CTNND2: variants seen among roughly 807,000 people sequenced by gnomAD.
CTNND2 encodes the protein catenin delta-2.
A neutral mutation model predicts 144.4 loss-of-function variants in CTNND2; 22 were observed. That is an observed-to-expected ratio of 0.15 (90% CI 0.11 to 0.22). The LOEUF is 0.22. CTNND2 is among the 10% of genes least tolerant of loss of function. The probability of loss-of-function intolerance (pLI) is 1.00; values close to 1 mark genes in which losing one functional copy is unlikely to be tolerated. For synonymous variants in CTNND2, 751 were observed against 695.6 expected, an observed-to-expected ratio of 1.08 and a Z score of -1.25; for missense variants, 1,353 against 1,618.8, an observed-to-expected ratio of 0.84 and a Z score of 2.82.
At chr5:11,625,753 G>A (rs1262900393) in intron 2 of CTNND2, among the ~76,000 whole-genome samples, 2 of 151,978 alleles carry the variant, frequency 1.3e-5, no homozygotes, top group African/African-American at 4.8e-5. Flanking sequence ...GAACTTTCAT[G>A]ACTCAACACT....
intron 8 of CTNND2, among the ~76,000 whole-genome samples, chr5:11,359,747 G>T (rs894933167): frequency 6.6e-6 from 1 of 152,188 alleles, no homozygotes; most frequent in Non-Finnish European, 1.5e-5. Context: ...CCTAGTAGGG[G>T]ACAAAGGTCT....
intron 3 of CTNND2, among the ~76,000 whole-genome samples, chr5:11,458,536 T>A (rs1765928938): frequency 6.6e-6 from 1 of 152,188 alleles, no homozygotes; most frequent in African/African-American, 2.4e-5. Context: ...CTTTAGTGCC[T>A]GAGCAGACAC....
rs73055779 is a variant in CTNND2, at chr5:11,302,300, G to T, written c.1628+44072C>A. Among the ~76,000 whole-genome samples the T allele has an allele frequency of 2.0e-3, 306 of 152,226 alleles. 2 individuals carry two copies. Among genetic ancestry groups the T allele is most frequent in the African/African-American group, 7.2e-3 (299 of 41,540 alleles). On this transcript the variant is annotated intron_variant, in intron 9 of 21. Coordinates refer to ENST00000304623, the MANE Select transcript of CTNND2 (RefSeq NM_001332.4). ...CCACTCCCAATCAGGAAGACCGCGGGGACAGGGAGAGATCCAGGGAATCAG... is the reference window on the plus strand; with the variant it reads ...CCACTCCCAATCAGGAAGACCGCGGTGACAGGGAGAGATCCAGGGAATCAG...
intron 3 of CTNND2, among the ~76,000 whole-genome samples, chr5:11,520,590 G>A (rs1772636038): frequency 1.3e-5 from 2 of 152,200 alleles, no homozygotes; most frequent in African/African-American, 4.8e-5. Flanking sequence ...CTCAATCATA[G>A]CAACTTGTCA....
At chr5:11,511,803 C>T (rs1411815438) in intron 3 of CTNND2, among the ~76,000 whole-genome samples, 2 of 152,044 alleles carry the variant, frequency 1.3e-5, no homozygotes, top group Non-Finnish European at 1.5e-5. Context: ...ACAGTTTTCC[C>T]GCAGGTGTCA....
intron 3 of CTNND2, among the ~76,000 whole-genome samples, chr5:11,428,721 A>C (rs1207364688): frequency 2.0e-5 from 3 of 152,210 alleles, no homozygotes; most frequent in Non-Finnish European, 4.4e-5. Flanking sequence ...TATTTCGCTG[A>C]ATCTTGTCTT....
intron 1 of CTNND2, among the ~76,000 whole-genome samples, chr5:11,738,057 G>A (rs1787789599): frequency 6.6e-6 from 1 of 152,188 alleles, no homozygotes; most frequent in South Asian, 2.1e-4. Flanking sequence ...TCCCCTGTGG[G>A]CTGGGCATGG....
chr5:11,381,014 A>T (rs1758429198), intron 7 of CTNND2, among the ~76,000 whole-genome samples: 1 of 152,044 alleles, frequency 6.6e-6, no homozygotes, highest in African/African-American at 2.4e-5. Context: ...CTCCCTCTCA[A>T]TTGATGGTGA....
chr5:11,476,452 G>T (rs1767750327), intron 3 of CTNND2, among the ~76,000 whole-genome samples: 2 of 152,066 alleles, frequency 1.3e-5, no homozygotes, highest in Non-Finnish European at 2.9e-5. Flanking sequence ...GGTCCAGATG[G>T]CTTAGGAAAA....
At chr5:11,515,641 A>G (rs781506439) in intron 3 of CTNND2, among the ~76,000 whole-genome samples, 4 of 152,206 alleles carry the variant, frequency 2.6e-5, no homozygotes, top group Non-Finnish European at 5.9e-5. Flanking sequence ...TTGCAACACT[A>G]CAAAGTATGC....
chr5:11,514,783 T>C (rs546375252), intron 3 of CTNND2, among the ~76,000 whole-genome samples: 41 of 152,226 alleles, frequency 2.7e-4, no homozygotes, highest in African/African-American at 9.1e-4. Context: ...ATGCACCCCA[T>C]TCCCCCCAAA....
chr5:11,083,521 G>T (rs540303509), intron 15 of CTNND2, among the ~76,000 whole-genome samples: 1 of 152,166 alleles, frequency 6.6e-6, no homozygotes, highest in African/African-American at 2.4e-5. Flanking sequence ...GTTGGTGGTC[G>T]TCAGCCTTAA....
At chr5:11,663,543 T>G (rs1375043918) in intron 2 of CTNND2, among the ~76,000 whole-genome samples, 1 of 152,142 alleles carries the variant, frequency 6.6e-6, no homozygotes, top group Admixed American at 6.6e-5. Context: ...AAACTACATA[T>G]GTGTGTATAA....
chr5:11,698,446 G>A (rs1581738822), intron 2 of CTNND2, among the ~76,000 whole-genome samples: 1 of 151,926 alleles, frequency 6.6e-6, no homozygotes, highest in African/African-American at 2.4e-5. Context: ...GCGCCACCAC[G>A]TCCAGCTAAT....
At chr5:11,641,932 AT>A (rs1165527661) in intron 2 of CTNND2, among the ~76,000 whole-genome samples, 1 of 152,076 alleles carries the variant, frequency 6.6e-6, no homozygotes, top group Non-Finnish European at 1.5e-5. Context: ...CATGTTTAAA[AT>A]TGATAAAGCT....
intron 8 of CTNND2, among the ~76,000 whole-genome samples, chr5:11,358,273 GT>G (rs1217825329): frequency 1.3e-4 from 20 of 152,106 alleles, no homozygotes; most frequent in Admixed American, 1.3e-3. Context: ...CCAATAAACT[GT>G]TCTCCCATCA....
chr5:11,834,035 T>A (rs944803604), intron 1 of CTNND2, among the ~76,000 whole-genome samples: 1 of 152,126 alleles, frequency 6.6e-6, no homozygotes, highest in Non-Finnish European at 1.5e-5. Flanking sequence ...TAATCCTTTG[T>A]GGGAGAGGCA....
rs150394878 is a variant in CTNND2, at chr5:11,769,788, T to C, written c.38-37516A>G. Among the ~76,000 whole-genome samples, 430 of 152,322 alleles carry C rather than the reference T, an allele frequency of 2.8e-3. 8 individuals carry two copies. Among genetic ancestry groups the C allele is most frequent in the African/African-American group, 9.6e-3 (397 of 41,568 alleles). ...AGTGATTAATAATTATATTTTCATA[T>C]TTCAGTAATAAGATGATTTGGCCAT... On this transcript the variant is annotated intron_variant, in intron 1 of 21. Coordinates refer to ENST00000304623, the MANE Select transcript of CTNND2 (RefSeq NM_001332.4).
intron 17 of CTNND2, among the ~76,000 whole-genome samples, chr5:11,018,411 C>T (rs899569945): frequency 4.6e-5 from 7 of 152,142 alleles, no homozygotes; most frequent in Non-Finnish European, 8.8e-5. Flanking sequence ...AAGGGTTGCA[C>T]GCCTCTTACT....
Sources: allele counts gnomAD v4.1 joint callset (sites outside exome capture counted in the v4.1 genomes callset), GRCh38; gene constraint gnomAD v4.1.1; transcripts MANE v1.5; gene names NCBI Gene and HGNC (gene_info 2026-07-23, HGNC 2026-07-21).